The following DCUN1D1 variants were observed in gnomAD, a reference collection of about 807,000 sequenced individuals.
DCUN1D1 encodes defective in cullin neddylation 1 domain containing 1.
A neutral mutation model predicts 39.0 loss-of-function variants in DCUN1D1; 3 were observed. The ratio of observed to expected loss-of-function variants is 0.08; its 90% confidence interval spans 0.04 to 0.20. The LOEUF (loss-of-function observed/expected upper bound fraction) is 0.20. Among genes scored for constraint, DCUN1D1 ranks in the 10% least tolerant of loss-of-function variants. The probability of loss-of-function intolerance (pLI) is 1.00; values close to 1 mark genes in which losing one functional copy is unlikely to be tolerated. For synonymous variants in DCUN1D1, 82 were observed against 96.3 expected, an observed-to-expected ratio of 0.85 and a Z score of 0.87; for missense variants, 158 against 302.4, an observed-to-expected ratio of 0.52 and a Z score of 3.54.
intron 4 of DCUN1D1, among the ~76,000 whole-genome samples, chr3:182,957,577 G>A (rs879397090): frequency 4.6e-5 from 7 of 152,062 alleles, no homozygotes; most frequent in East Asian, 3.9e-4. Flanking sequence ...AGTGAGCTAC[G>A]ATCATGGCAC....
upstream of DCUN1D1, among the ~76,000 whole-genome samples, chr3:182,981,296 C>G (rs1198726950): frequency 1.3e-5 from 2 of 152,174 alleles, no homozygotes; most frequent in Non-Finnish European, 2.9e-5. Flanking sequence ...CCCCTCAGTT[C>G]GGCCCGCCCA....
At chr3:182,979,520 A>G (rs1031719517) in intron 1 of DCUN1D1, among the ~76,000 whole-genome samples, 1 of 152,070 alleles carries the variant, frequency 6.6e-6, no homozygotes, top group Non-Finnish European at 1.5e-5. Flanking sequence ...AAACGCGAAG[A>G]GCGTCCAGCA....
intron 1 of DCUN1D1, among the ~76,000 whole-genome samples, chr3:182,969,215 A>G (rs997368528): frequency 6.6e-6 from 1 of 152,252 alleles, no homozygotes; most frequent in African/African-American, 2.4e-5. Flanking sequence ...TGTAGTCTCA[A>G]AGGCTATCCT....
At chr3:182,945,851 T>C (rs945489268) in intron 6 of DCUN1D1, among the ~76,000 whole-genome samples, 1 of 152,198 alleles carries the variant, frequency 6.6e-6, no homozygotes, top group African/African-American at 2.4e-5. Flanking sequence ...AAGCTCTCCA[T>C]TTTTGTGTAA....
At chr3:182,959,359 C>T (rs2108642802) in intron 4 of DCUN1D1, among the ~76,000 whole-genome samples, 1 of 152,220 alleles carries the variant, frequency 6.6e-6, no homozygotes, top group South Asian at 2.1e-4. Context: ...ATCCCTTCCT[C>T]TCTACCTTTC....
rs541771279 is a variant in DCUN1D1 at position 182,943,275 on chromosome 3, T to A, written c.*1819A>T. 1.7e-3 allele frequency: 250 copies of A among 149,738 alleles called. 2 individuals are homozygous for A. Among genetic ancestry groups the A allele is most frequent in the African/African-American group, 5.8e-3 (237 of 41,098 alleles). 9.3% of individuals were successfully genotyped at this position (149,738 alleles called of 1,614,324 possible). Reference sequence around the variant, plus strand: ...TATAGATATATATATCTTTTAAAAATTTTTCATAATTGAAGTTCCTCTTTA... The same window carrying A: ...TATAGATATATATATCTTTTAAAAAATTTTCATAATTGAAGTTCCTCTTTA... On this transcript the variant is annotated 3_prime_UTR_variant, in exon 7 of 7. Transcript: ENST00000292782.
Position 182,952,667 on chromosome 3 carries a change from C to T in DCUN1D1, c.521-5035G>A, listed in dbSNP as rs868016109. 1.2e-4 allele frequency among the ~76,000 whole-genome samples: 18 copies of T among 152,190 alleles called. No individual in the cohort carries two copies. In the Middle Eastern group the frequency reaches 0.01, roughly 86 times the overall value. ...ACCCCCTTCCCATGGCCAGTAGAAA[C>T]CTTAGGTCATTACGACAAAAACCCC... is the stretch of plus-strand genomic sequence containing the variant. On this transcript the variant is annotated intron_variant, in intron 4 of 6. Transcript: ENST00000292782.
In DCUN1D1 at chr3:182,940,581, T is replaced by C. The variant is rs1195021466; in HGVS notation, c.*4513A>G. On this transcript the variant is annotated 3_prime_UTR_variant, in exon 7 of 7. Transcript: ENST00000292782. Reference sequence around the variant, plus strand: ...AAAAAAATTTTTTTAACTGAGTATTTTTCCCCAAACCAAATCGAATATGAA... The same window carrying C: ...AAAAAAATTTTTTTAACTGAGTATTCTTCCCCAAACCAAATCGAATATGAA... The C allele has an allele frequency of 1.3e-5, 2 of 152,134 alleles. No homozygotes were observed. The highest frequency in any genetic ancestry group is 4.1e-4 in the South Asian group (2 of 4,826). 9.4% of individuals were successfully genotyped at this position (152,134 alleles called of 1,614,324 possible).
chr3:182,945,597 A>AAAAC lies in DCUN1D1; in HGVS notation c.701-428_701-425dup, dbSNP rs150035022. Among the ~76,000 whole-genome samples, 10 of 151,908 alleles carry AAAAC rather than the reference A, an allele frequency of 6.6e-5. No homozygotes were observed. In the South Asian group the frequency reaches 1.5e-3, roughly 22 times the overall value. ...GGGGGACAGAGCGAGACTCCCTCTC[A>AAAAC]AAACAAACAAACAAACAAACAAAAA... On this transcript the variant is annotated intron_variant, in intron 6 of 6. Transcript: ENST00000292782.
At chr3:182,970,179 A>G (rs1727860705) in intron 1 of DCUN1D1, among the ~76,000 whole-genome samples, 1 of 152,108 alleles carries the variant, frequency 6.6e-6, no homozygotes. Flanking sequence ...GATGAGGATC[A>G]CTTGAGCCCA....
upstream of DCUN1D1, among the ~76,000 whole-genome samples, chr3:182,983,427 C>G (rs1241324785): frequency 2.0e-5 from 3 of 152,174 alleles, no homozygotes; most frequent in Admixed American, 1.3e-4. Context: ...CTAAAATTCC[C>G]TAGCTAGGCC....
At position 182,955,709 on chromosome 3, in the gene DCUN1D1, T is replaced by C. The variant is rs377617213; in HGVS notation, c.520+5517A>G. ...AGTGAACCTGCCTCAGCCTCCCGAG[T>C]AGCTGGGATTACAGGCACCCACCAC... On this transcript the variant is annotated intron_variant, in intron 4 of 6. Coordinates refer to ENST00000292782, the MANE Select transcript of DCUN1D1 (RefSeq NM_020640.4). The C allele has an allele frequency of 5.0e-4, 161 of 325,126 alleles. 1 individual carries two copies. Among genetic ancestry groups the C allele is most frequent in the African/African-American group, 3.2e-3 (142 of 44,682 alleles). The allele number at this position is 325,126 out of a possible 1,614,324, so 20.1% of individuals were successfully genotyped here. A position where few individuals can be genotyped will look rare whatever the true frequency, so the allele number is the denominator to read the frequency against.
chr3:182,947,782 T>C lies in DCUN1D1; in HGVS notation c.521-150A>G. 1.6e-5 allele frequency: 9 copies of C among 556,280 alleles called. No homozygotes were observed. In the South Asian group the frequency reaches 2.2e-4, roughly 14 times the overall value. The allele number at this position is 556,280 out of a possible 1,614,324, so 34.5% of individuals were successfully genotyped here. A position where few individuals can be genotyped will look rare whatever the true frequency, so the allele number is the denominator to read the frequency against. ...ATACTTATGTATTAAAAATTTCCTA[T>C]ACAAATGAGTCCAAAGTTTGTATCC... On this transcript the variant is annotated intron_variant, in intron 4 of 6. Transcript: ENST00000292782.
chr3:182,949,928 C>T (rs529786108), intron 4 of DCUN1D1, among the ~76,000 whole-genome samples: 1 of 152,280 alleles, frequency 6.6e-6, no homozygotes, highest in South Asian at 2.1e-4. Flanking sequence ...AACATACTTA[C>T]CTTCAAATCC....
rs1727543808 is a variant in DCUN1D1 at position 182,964,147 on chromosome 3, C to T, written c.221-98G>A. On this transcript the variant is annotated intron_variant, in intron 2 of 6. Coordinates refer to ENST00000292782, the MANE Select transcript of DCUN1D1 (RefSeq NM_020640.4). The stretch of plus-strand genomic sequence containing the variant: ...CTTTATATGCCATTTTTTAAATGAC[C>T]ACAATATATGGAAGGCATGAAACGA... 4.3e-6 allele frequency: 4 copies of T among 926,646 alleles called. No homozygotes were observed. In the East Asian group the frequency reaches 1.0e-4, roughly 24 times the overall value. The allele number at this position is 926,646 out of a possible 1,614,324, so 57.4% of individuals were successfully genotyped here.
chr3:182,946,388 T>C (rs1459566119), intron 6 of DCUN1D1, among the ~76,000 whole-genome samples: 7 of 151,790 alleles, frequency 4.6e-5, no homozygotes, highest in Admixed American at 3.3e-4. Context: ...AAACCCCGTC[T>C]CTACTAAAAA....
At chr3:182,961,424 C>A in intron 3 of DCUN1D1, 68 bp from the exon 4 acceptor site, 1 of 1,327,838 alleles carries the variant, frequency 7.5e-7, no homozygotes, top group Admixed American at 2.4e-5. Context: ...TACTTATTCC[C>A]ATGAGGGCTT....
At chr3:182,975,779 T>C (rs1489398306) in intron 1 of DCUN1D1, among the ~76,000 whole-genome samples, 4 of 141,052 alleles carry the variant, frequency 2.8e-5, no homozygotes, top group Non-Finnish European at 6.0e-5. Context: ...GAGACCAGGG[T>C]CCTAACCCCT....
Position 182,949,224 on chromosome 3 carries a change from G to A in DCUN1D1, c.521-1592C>T, listed in dbSNP as rs1398593929. ...AAAAATACAAAAAAATTAGCTGGGC[G>A]TGGTAGCAGGCACCTGTAATCCCAA... On this transcript the variant is annotated intron_variant, in intron 4 of 6. Coordinates refer to ENST00000292782, the MANE Select transcript of DCUN1D1 (RefSeq NM_020640.4). Among the ~76,000 whole-genome samples the A allele has an allele frequency of 4.6e-5, 7 of 151,574 alleles. No homozygotes were observed. The East Asian group carries it at 5.8e-4, about 13-fold the overall frequency.
Sources: allele counts gnomAD v4.1 joint callset (sites outside exome capture counted in the v4.1 genomes callset), GRCh38; gene constraint gnomAD v4.1.1; transcripts MANE v1.5; gene names NCBI Gene and HGNC (gene_info 2026-07-23, HGNC 2026-07-21).